DPH3: variants seen among roughly 807,000 people sequenced by gnomAD.
The protein encoded by DPH3 is diphthamide biosynthesis protein 3.
A neutral mutation model predicts 10.2 loss-of-function variants in DPH3; 8 were observed. That is an observed-to-expected ratio of 0.79 (90% confidence interval 0.46 to 1.42). The LOEUF is 1.42. DPH3 is among the 40% of genes most tolerant of loss of function. DPH3 has a pLI of 0.00. For missense variants in DPH3, 96 were observed against 98.9 expected, an observed-to-expected ratio of 0.97 and a Z score of 0.12; for synonymous variants, 35 against 35.6, an observed-to-expected ratio of 0.98 and a Z score of 0.06.
chr3:16,260,240 C>G lies in DPH3; in HGVS notation c.*524G>C, dbSNP rs2064283924. 1.3e-5 allele frequency: 2 copies of G among 154,350 alleles called. No homozygotes were observed. Among genetic ancestry groups the G allele is most frequent in the African/African-American group, 4.8e-5 (2 of 41,474 alleles). The allele number at this position is 154,350 out of a possible 1,614,324, so 9.6% of individuals were successfully genotyped here. The stretch of plus-strand genomic sequence containing the variant: ...ACACGCTGAACAGAACATGTCCATT[C>G]TAATGGGAAAACTGAGGAGACTGGC... On this transcript the variant is annotated 3_prime_UTR_variant, in exon 3 of 3. Transcript: ENST00000488423.
At position 16,260,146 on chromosome 3, in the gene DPH3, A is replaced by T. The variant is rs1432736311; in HGVS notation, c.*618T>A. The T allele has an allele frequency of 6.6e-6, 1 of 152,232 alleles. No homozygotes were observed. The allele number at this position is 152,232 out of a possible 1,614,324, so 9.4% of individuals were successfully genotyped here. On this transcript the variant is annotated 3_prime_UTR_variant, in exon 3 of 3. Transcript: ENST00000488423. ...TTCACTAACTTTTAGCTCTGGAGAC[A>T]TTGTGACCTCACTGTATTTTCTCTT...
chr3:16,264,423 G>C (rs1054518516), intron 1 of DPH3, 194 bp from the exon 2 acceptor site: 1 of 556,948 alleles, frequency 1.8e-6, no homozygotes, highest in Non-Finnish European at 3.2e-6. Context: ...GAAACACCTA[G>C]GAAGGTCAGG....
At chr3:16,264,486 C>A (rs181582315) in intron 1 of DPH3, 265 of 558,668 alleles carry the variant, frequency 4.7e-4, no homozygotes, top group African/African-American at 4.7e-3. Flanking sequence ...GTCCCCTCCT[C>A]GACAGAAATA....
intron 1 of DPH3, chr3:16,264,510 C>CT (rs2064358536): frequency 8.8e-6 from 5 of 569,748 alleles, no homozygotes; most frequent in Non-Finnish European, 1.5e-5. Flanking sequence ...CAGGTTGGGA[C>CT]CCTAAGGCAG....
chr3:16,264,688 A>C, intron 1 of DPH3, 81 bp downstream of exon 1: 1 of 1,371,818 alleles, frequency 7.3e-7, no homozygotes, highest in Non-Finnish European at 1.0e-6. Flanking sequence ...AGCGCAGCAA[A>C]GGCTACCCAA....
chr3:16,261,777 C>A lies in DPH3; in HGVS notation c.184-948G>T, dbSNP rs28639712. 0.14 allele frequency among the ~76,000 whole-genome samples: 21,472 copies of A among 152,128 alleles called. 1,636 individuals carry two copies. Among genetic ancestry groups the A allele is most frequent in the African/African-American group, 0.18 (7,440 of 41,488 alleles). ...GCTCTGTGTTCTCAGAGTCCTAGTA[C>A]CAGAGGGATTGGAAGTGGGGCTAGT... On this transcript the variant is annotated intron_variant, in intron 2 of 2. Coordinates refer to ENST00000488423, the MANE Select transcript of DPH3 (RefSeq NM_206831.3). This position sits in a 1 kb window ranked among gnomAD's most constrained non-coding sequence, Gnocchi z 7.1.
chr3:16,262,453 A>T lies in DPH3; in HGVS notation c.184-1624T>A, dbSNP rs144085803. Among the ~76,000 whole-genome samples, 3 of 152,028 alleles carry T rather than the reference A, an allele frequency of 2.0e-5. No individual in the cohort carries two copies. The highest frequency in any genetic ancestry group is 6.6e-5 in the Admixed American group (1 of 15,264). ...TCTCATCTGGTTTCCAGGATTTGACACTGCTGATTTTCCTCCTTTCTCAGT... is the reference window on the plus strand; with the variant it reads ...TCTCATCTGGTTTCCAGGATTTGACTCTGCTGATTTTCCTCCTTTCTCAGT... On this transcript the variant is annotated intron_variant, in intron 2 of 2. Coordinates refer to ENST00000488423, the MANE Select transcript of DPH3 (RefSeq NM_206831.3). The surrounding 1 kb of genome is among the most constrained non-coding windows in gnomAD (Gnocchi z 4.7).
At position 16,262,554 on chromosome 3, in the gene DPH3, C is replaced by T. The variant is rs1344612433; in HGVS notation, c.183+1601G>A. 6.6e-6 allele frequency among the ~76,000 whole-genome samples: 1 copy of T among 152,178 alleles called. No individual in the cohort carries two copies. Among genetic ancestry groups the T allele is most frequent in the African/African-American group, 2.4e-5 (1 of 41,440 alleles). On this transcript the variant is annotated intron_variant, in intron 2 of 2. Coordinates refer to ENST00000488423, the MANE Select transcript of DPH3 (RefSeq NM_206831.3). The surrounding 1 kb of genome is among the most constrained non-coding windows in gnomAD (Gnocchi z 4.7). ...TTTTTAATACTGTAGTGCCTTAAGG[C>T]TCAGTCCTGTATTTTATCCATCTCT...
rs773607457 is a variant in DPH3, at chr3:16,257,896, TTAAGA to T, written c.*2863_*2867del. The T allele has an allele frequency of 3.0e-4, 45 of 152,318 alleles. No homozygotes were observed. Among genetic ancestry groups the T allele is most frequent in the Non-Finnish European group, 6.0e-4 (41 of 68,016 alleles). 9.4% of individuals were successfully genotyped at this position (152,318 alleles called of 1,614,324 possible). On this transcript the variant is annotated 3_prime_UTR_variant, in exon 3 of 3. Transcript: ENST00000488423. ...GTCTATTAACAATACCCCAAAGCAG[TTAAGA>T]TTTCTACCTCATATAAAATCATAAA...
chr3:16,264,689 G>A, intron 1 of DPH3, 80 bp downstream of exon 1: 3 of 1,384,682 alleles, frequency 2.2e-6, no homozygotes, highest in East Asian at 4.7e-5. Flanking sequence ...GCGCAGCAAA[G>A]GCTACCCAAT....
rs2064261953 is a variant in DPH3, at chr3:16,257,743, CTAAGAA to C, written c.*3015_*3020del. Among the ~76,000 whole-genome samples the C allele has an allele frequency of 6.6e-6, 1 of 152,204 alleles. No individual in the cohort carries two copies. The highest frequency in any genetic ancestry group is 2.4e-5 in the African/African-American group (1 of 41,454). On this transcript the variant is annotated 3_prime_UTR_variant, in exon 3 of 3. Transcript: ENST00000488423. ...CCTTGTAATAAACTGAGTTACTCATCTAAGAATGTCAACTTTGTCTTACTACCACTT... is the reference window on the plus strand; with the variant it reads ...CCTTGTAATAAACTGAGTTACTCATCTGTCAACTTTGTCTTACTACCACTT...
At position 16,260,824 on chromosome 3, in the gene DPH3, C is replaced by A. The variant is rs773167147; in HGVS notation, c.189G>T (p.Gln63His). 1.2e-6 allele frequency: 2 copies of A among 1,613,776 alleles called. No homozygotes were observed. The highest frequency in any genetic ancestry group is 1.7e-5 in the Admixed American group (1 of 60,008). Residue 63 changes from glutamine to histidine, a missense_variant, in exon 3 of 3, where the codon CAG becomes CAT. By Grantham distance (24) the Gln-to-His change is conservative. Coordinates refer to ENST00000488423, the MANE Select transcript of DPH3 (RefSeq NM_206831.3). ...CTGGGACTGTTTCTCCACACACAAA[C>A]TGATCCTAAGACAGAGTGAGAAATG... ...LIIKVIYDKD[Q>H]FVCGETVPAP...
In DPH3 at chr3:16,264,338, C is replaced by G. The variant is rs111554149; in HGVS notation, c.109-109G>C. 152 of 820,728 alleles carry G rather than the reference C, an allele frequency of 1.9e-4. No homozygotes were observed. The African/African-American group carries it at 2.0e-3, about 11-fold the overall frequency. 50.8% of individuals were successfully genotyped at this position (820,728 alleles called of 1,614,324 possible). Reference sequence around the variant, plus strand: ...AGTCTCTTGGTGGCTTGCCTTCCCCCCAAGGTGGGTGAGAACCCCAGGGCC... The same window carrying G: ...AGTCTCTTGGTGGCTTGCCTTCCCCGCAAGGTGGGTGAGAACCCCAGGGCC... On this transcript the variant is annotated intron_variant, in intron 1 of 2. Coordinates refer to ENST00000488423, the MANE Select transcript of DPH3 (RefSeq NM_206831.3).
In DPH3 at chr3:16,263,179, G is replaced by T. The variant is rs2064313313; in HGVS notation, c.183+976C>A. ...CAACTTCTTACGCTACTCTCATCCT[G>T]CTCTGCTCTGGTCACACTGGCCTCC... On this transcript the variant is annotated intron_variant, in intron 2 of 2. Transcript: ENST00000488423. This position sits in a 1 kb window ranked among gnomAD's most constrained non-coding sequence, Gnocchi z 4.0. Among the ~76,000 whole-genome samples, 1 of 151,990 alleles carries T rather than the reference G, an allele frequency of 6.6e-6. No individual in the cohort carries two copies. Among genetic ancestry groups the T allele is most frequent in the African/African-American group, 2.4e-5 (1 of 41,362 alleles).
rs1334737010 is a variant in DPH3 at position 16,263,530 on chromosome 3, C to T, written c.183+625G>A. ...CCGCTTCTCTCATGAGGCTCTGTGC[C>T]TCATCCCCACTTTCCCTATATTCAT... On this transcript the variant is annotated intron_variant, in intron 2 of 2. Coordinates refer to ENST00000488423, the MANE Select transcript of DPH3 (RefSeq NM_206831.3). The surrounding 1 kb of genome is among the most constrained non-coding windows in gnomAD (Gnocchi z 4.0). 2.6e-5 allele frequency among the ~76,000 whole-genome samples: 4 copies of T among 152,320 alleles called. No individual in the cohort carries two copies. The East Asian group carries it at 7.7e-4, about 29-fold the overall frequency.
rs1559704811 is a variant in DPH3, at chr3:16,258,232, T to C, written c.*2532A>G. The stretch of plus-strand genomic sequence containing the variant: ...TAGTTTGAGTTTATAAAGGTTTTAA[T>C]TGCAATTTCAGTTCCTACAAGCTAC... On this transcript the variant is annotated 3_prime_UTR_variant, in exon 3 of 3. Coordinates refer to ENST00000488423, the MANE Select transcript of DPH3 (RefSeq NM_206831.3). The C allele has an allele frequency of 1.3e-5, 2 of 152,226 alleles. No individual in the cohort carries two copies. The highest frequency in any genetic ancestry group is 1.5e-5 in the Non-Finnish European group (1 of 68,042). The allele number at this position is 152,226 out of a possible 1,614,324, so 9.4% of individuals were successfully genotyped here.
rs1372497056 is a variant in DPH3, at chr3:16,257,660, C to G, written c.*3104G>C. Among the ~76,000 whole-genome samples the G allele has an allele frequency of 6.6e-6, 1 of 152,190 alleles. No individual in the cohort carries two copies. Among genetic ancestry groups the G allele is most frequent in the Non-Finnish European group, 1.5e-5 (1 of 68,024 alleles). The stretch of plus-strand genomic sequence containing the variant: ...GATTCAAATTGTCTTCTGACCAGAG[C>G]TGGGCTCTGAAACCACTCCAAGAAT... On this transcript the variant is annotated 3_prime_UTR_variant, in exon 3 of 3. Coordinates refer to ENST00000488423, the MANE Select transcript of DPH3 (RefSeq NM_206831.3).
At position 16,258,378 on chromosome 3, in the gene DPH3, C is replaced by T. The variant is rs1252822545; in HGVS notation, c.*2386G>A. 1 of 152,186 alleles carries T rather than the reference C, an allele frequency of 6.6e-6. No homozygotes were observed. The allele number at this position is 152,186 out of a possible 1,614,324, so 9.4% of individuals were successfully genotyped here. On this transcript the variant is annotated 3_prime_UTR_variant, in exon 3 of 3. Transcript: ENST00000488423. ...ATTACGAAGCTAAAAAGAGACATAG[C>T]CTGGATTACAAGTCAGTTTTTATAG...
At position 16,257,597 on chromosome 3, in the gene DPH3, A is replaced by C. The variant is rs192766414; in HGVS notation, c.*3167T>G. On this transcript the variant is annotated 3_prime_UTR_variant, in exon 3 of 3. Transcript: ENST00000488423. ...AGATTTCACAAACCAGAATATAATT[A>C]TTAAGTAACTTCTCGGAGATCACAG... Among the ~76,000 whole-genome samples, 2 of 152,370 alleles carry C rather than the reference A, an allele frequency of 1.3e-5. No homozygotes were observed. Among genetic ancestry groups the C allele is most frequent in the Admixed American group, 1.3e-4 (2 of 15,312 alleles).
Sources: gnomAD v4.1 joint callset for allele counts (sites outside exome capture counted in the v4.1 genomes callset) on GRCh38, gnomAD v4.1.1 for gene constraint, Gnocchi (gnomAD v3.1) non-coding constraint, MANE v1.5 for transcripts, NCBI Gene and HGNC (gene_info 2026-07-23, HGNC 2026-07-21) for gene names.